The following HDAC4 variants were observed in gnomAD, a reference collection of about 807,000 sequenced individuals.
HDAC4 encodes the protein histone deacetylase A.
HDAC4 carries 16 observed loss-of-function variants against 135.1 expected under a neutral mutation model. That is an observed-to-expected ratio of 0.12 (90% confidence interval 0.08 to 0.18). The LOEUF (loss-of-function observed/expected upper bound fraction) is 0.18. Ranked by LOEUF, HDAC4 falls within the 10% of genes least tolerant of loss-of-function variation. The pLI, the probability that HDAC4 is intolerant of heterozygous loss-of-function variation, is 1.00. For missense variants in HDAC4, 1,143 were observed against 1,511.8 expected (o/e 0.76, Z 4.05); for synonymous variants, 685 against 653.4 (o/e 1.05, Z -0.74).
At chr2:239,196,290 A>G (rs2045374958) in intron 3 of HDAC4, among the ~76,000 whole-genome samples, 1 of 152,108 alleles carries the variant, frequency 6.6e-6, no homozygotes, top group African/African-American at 2.4e-5. Flanking sequence ...ATGTTTAGTA[A>G]AAGAACAGTA....
Position 239,052,658 on chromosome 2 carries a change from G to T in HDAC4, c.*439C>A, listed in dbSNP as rs1439319518. 1 of 233,924 alleles carries T rather than the reference G, an allele frequency of 4.3e-6. No individual in the cohort carries two copies. The highest frequency in any genetic ancestry group is 8.6e-6 in the Non-Finnish European group (1 of 116,312). 14.5% of individuals were successfully genotyped at this position (233,924 alleles called of 1,614,324 possible). A position where few individuals can be genotyped will look rare whatever the true frequency, so the allele number is the denominator to read the frequency against. ...GTCGAGTGGTTTACACAGAGACTGT[G>T]GAGTTGTGGGTAATAAACTTTAAGC... is the stretch of plus-strand genomic sequence containing the variant. On this transcript the variant is annotated 3_prime_UTR_variant, in exon 27 of 27. Coordinates refer to ENST00000543185, the MANE Select transcript of HDAC4 (RefSeq NM_001378414.1).
In HDAC4 at chr2:239,068,580, C is replaced by T. The variant is rs1281811744; in HGVS notation, c.2778G>A (p.Glu926=). The part of the protein sequence containing the change: ...FRTVVMPIAS[E]FAPDVVLVSS... ...ACACCAGCACCACATCCGGGGCAAA[C>T]TCGCTGGCGATCGGCATGACCACCG... The change falls in exon 23 of 27, where the codon GAG becomes GAA. Residue 926 remains glutamate (E), a synonymous_variant. Coordinates refer to ENST00000543185, the MANE Select transcript of HDAC4 (RefSeq NM_001378414.1). This position sits in a 1 kb window ranked among gnomAD's most constrained non-coding sequence, Gnocchi z 4.4. The T allele has an allele frequency of 1.9e-6, 3 of 1,613,970 alleles. No individual in the cohort carries two copies. Among genetic ancestry groups the T allele is most frequent in the African/African-American group, 1.3e-5 (1 of 74,938 alleles).
chr2:239,209,988 G>T (rs928246750), intron 3 of HDAC4, among the ~76,000 whole-genome samples: 4 of 152,164 alleles, frequency 2.6e-5, no homozygotes, highest in Non-Finnish European at 5.9e-5. Context: ...GGGAGCGGGG[G>T]CGTGGGAGCA....
chr2:239,083,658 A>G (rs1347181845), intron 20 of HDAC4, among the ~76,000 whole-genome samples: 1 of 152,254 alleles, frequency 6.6e-6, no homozygotes, highest in Non-Finnish European at 1.5e-5. Context: ...AGATTCGGAC[A>G]TCATATAGCA....
At chr2:239,095,962 C>A (rs939962058) in intron 16 of HDAC4, among the ~76,000 whole-genome samples, 1 of 152,162 alleles carries the variant, frequency 6.6e-6, no homozygotes, top group African/African-American at 2.4e-5. Context: ...CTTGATGTAA[C>A]AGGCTCCTTT....
chr2:239,150,234 G>A (rs1305258604), intron 7 of HDAC4, among the ~76,000 whole-genome samples: 1 of 151,486 alleles, frequency 6.6e-6, no homozygotes, highest in East Asian at 1.9e-4. Context: ...TACACACACA[G>A]AAACACAGAT....
chr2:239,185,104 G>A (rs1187076688), intron 4 of HDAC4, among the ~76,000 whole-genome samples: 4 of 151,664 alleles, frequency 2.6e-5, no homozygotes, highest in African/African-American at 9.7e-5. Flanking sequence ...CTACCCTGGA[G>A]GCTGTGCCCT....
intron 12 of HDAC4, among the ~76,000 whole-genome samples, chr2:239,125,272 T>A (rs1289350462): frequency 6.6e-6 from 1 of 152,190 alleles, no homozygotes; most frequent in Non-Finnish European, 1.5e-5. Flanking sequence ...ATGAGTGGGT[T>A]CTGGTGAGGT....
chr2:239,181,487 C>T (rs1032260317), intron 4 of HDAC4, among the ~76,000 whole-genome samples: 7 of 152,264 alleles, frequency 4.6e-5, no homozygotes, highest in African/African-American at 1.7e-4. Context: ...TAGCTGCACA[C>T]ACCAAGCATC....
At chr2:239,059,924 C>T (rs1394007982) in intron 24 of HDAC4, among the ~76,000 whole-genome samples, 1 of 152,132 alleles carries the variant, frequency 6.6e-6, no homozygotes, top group Non-Finnish European at 1.5e-5. Flanking sequence ...CACCAGCCTG[C>T]AGGAGAGCTC....
intron 2 of HDAC4, among the ~76,000 whole-genome samples, chr2:239,317,787 T>A (rs955215828): frequency 1.1e-4 from 17 of 152,228 alleles, no homozygotes; most frequent in Non-Finnish European, 4.4e-5. Flanking sequence ...CGACAGAGGG[T>A]CCTCAAGCAA....
chr2:239,150,679 G>C (rs1575200702), intron 7 of HDAC4, among the ~76,000 whole-genome samples: 3 of 134,302 alleles, frequency 2.2e-5, no homozygotes, highest in Admixed American at 7.5e-5. Context: ...TGCACCTCCT[G>C]AAGTATGTAC....
chr2:239,290,668 T>TTCAGTTCGCACGCGCATGCAC (rs1559333436), intron 2 of HDAC4, among the ~76,000 whole-genome samples: 1 of 151,898 alleles, frequency 6.6e-6, no homozygotes, highest in Non-Finnish European at 1.5e-5. Context: ...CGCGCACGCA[T>TTCAGTTCGCACGCGCATGCAC]GCATTCAGTT....
intron 3 of HDAC4, among the ~76,000 whole-genome samples, chr2:239,210,241 C>T (rs2046289285): frequency 6.6e-6 from 1 of 152,072 alleles, no homozygotes; most frequent in Non-Finnish European, 1.5e-5. Flanking sequence ...AGAATTGTAT[C>T]TGGCATGAAA....
At chr2:239,074,744 T>C (rs1156796830) in intron 22 of HDAC4, among the ~76,000 whole-genome samples, 1 of 152,214 alleles carries the variant, frequency 6.6e-6, no homozygotes, top group East Asian at 1.9e-4. Context: ...TTCTCCTCCA[T>C]GGGACATGAC....
At chr2:239,372,903 A>G (rs1694733385) in intron 1 of HDAC4, among the ~76,000 whole-genome samples, 2 of 152,076 alleles carry the variant, frequency 1.3e-5, no homozygotes, top group Admixed American at 1.3e-4. Context: ...TGTATCCTAC[A>G]GACTTCTCAG....
intron 7 of HDAC4, among the ~76,000 whole-genome samples, chr2:239,148,372 A>T (rs889161113): frequency 1.2e-4 from 18 of 152,330 alleles, no homozygotes; most frequent in Admixed American, 1.1e-3. Context: ...TGGAAACGCC[A>T]GGAGAAGAGA....
intron 2 of HDAC4, among the ~76,000 whole-genome samples, chr2:239,276,762 C>T (rs1244258370): frequency 6.6e-6 from 1 of 152,228 alleles, no homozygotes; most frequent in Non-Finnish European, 1.5e-5. Flanking sequence ...CAGAGGCCAG[C>T]AGAGCAGCAG....
chr2:239,051,419 G>A lies in HDAC4; in HGVS notation c.*1678C>T. On this transcript the variant is annotated 3_prime_UTR_variant, in exon 27 of 27. Coordinates refer to ENST00000543185, the MANE Select transcript of HDAC4 (RefSeq NM_001378414.1). ...AAAAATAATTAAAAACCTTTGAAAG[G>A]TAAAAAAAAATGTACAAGCAAGAAT... 6.6e-6 allele frequency: 1 copy of A among 151,934 alleles called. No individual in the cohort carries two copies. Among genetic ancestry groups the A allele is most frequent in the African/African-American group, 2.4e-5 (1 of 41,338 alleles). 9.4% of individuals were successfully genotyped at this position (151,934 alleles called of 1,614,324 possible).
Sources: allele counts gnomAD v4.1 joint callset (sites outside exome capture counted in the v4.1 genomes callset), GRCh38; gene constraint gnomAD v4.1.1; non-coding constraint Gnocchi (gnomAD v3.1); transcripts MANE v1.5; gene names NCBI Gene and HGNC (gene_info 2026-07-23, HGNC 2026-07-21).